The following GRM8 variants were observed in gnomAD, a reference collection of about 807,000 sequenced individuals.
GRM8 encodes the protein metabotropic glutamate receptor 8.
A neutral mutation model predicts 87.2 loss-of-function variants in GRM8; 47 were observed. That is an observed-to-expected ratio of 0.54 (90% CI 0.43 to 0.69). GRM8 has a LOEUF of 0.69. Ranked by LOEUF, GRM8 falls within the 30% of genes least tolerant of loss-of-function variation. The probability of loss-of-function intolerance (pLI) is 0.00; values close to 1 mark genes in which losing one functional copy is unlikely to be tolerated. For synonymous variants in GRM8, 396 were observed against 404.5 expected, an observed-to-expected ratio of 0.98 and a Z score of 0.25; for missense variants, 1,019 against 1,139.2, an observed-to-expected ratio of 0.89 and a Z score of 1.52.
At chr7:127,127,492 A>C (rs117321303) in intron 2 of GRM8, among the ~76,000 whole-genome samples, 2,002 of 152,204 alleles carry the variant, frequency 0.013, 12 homozygotes, top group Middle Eastern at 0.024. Context: ...AATATGAATG[A>C]ATCTCAAAAC....
At chr7:127,182,056 C>A (rs1272610797) in intron 2 of GRM8, among the ~76,000 whole-genome samples, 3 of 152,068 alleles carry the variant, frequency 2.0e-5, no homozygotes, top group Non-Finnish European at 4.4e-5. Context: ...AGTAAACAGA[C>A]AACCCACAAA....
chr7:126,753,375 C>T (rs953552631), intron 7 of GRM8, among the ~76,000 whole-genome samples: 12 of 138,008 alleles, frequency 8.7e-5, no homozygotes, highest in Admixed American at 3.7e-4. Context: ...AATATACGCA[C>T]GCACACACAG....
rs547399657 is a variant in GRM8 at position 126,805,542 on chromosome 7, T to C, written c.1157-35477A>G. Among the ~76,000 whole-genome samples, 38 of 152,286 alleles carry C rather than the reference T, an allele frequency of 2.5e-4. No homozygotes were observed. The South Asian group carries it at 7.9e-3, about 32-fold the overall frequency. ...GAGACATGGTCTGCACCACCCACTGTTTCTGTCCCTAGGTTTCAATCAGGT... is the reference window on the plus strand; with the variant it reads ...GAGACATGGTCTGCACCACCCACTGCTTCTGTCCCTAGGTTTCAATCAGGT... On this transcript the variant is annotated intron_variant, in intron 6 of 10. Coordinates refer to ENST00000339582, the MANE Select transcript of GRM8 (RefSeq NM_000845.3).
chr7:126,775,508 T>C (rs1819364744), intron 6 of GRM8, among the ~76,000 whole-genome samples: 1 of 137,208 alleles, frequency 7.3e-6, no homozygotes. Context: ...TTTTTTTTTT[T>C]ACTAAATTTA....
chr7:127,208,776 A>C (rs1480471831), intron 2 of GRM8, among the ~76,000 whole-genome samples: 1 of 151,948 alleles, frequency 6.6e-6, no homozygotes, highest in African/African-American at 2.4e-5. Context: ...ATCTAGCATT[A>C]CCAGTCTCTC....
chr7:127,227,335 G>A (rs1363156303), intron 2 of GRM8, among the ~76,000 whole-genome samples: 1 of 152,218 alleles, frequency 6.6e-6, no homozygotes, highest in Admixed American at 6.5e-5. Flanking sequence ...GTGAAAATGA[G>A]TAGTTTGTTC....
intron 3 of GRM8, among the ~76,000 whole-genome samples, chr7:127,062,092 C>T (rs1347244124): frequency 2.0e-5 from 3 of 150,086 alleles, no homozygotes; most frequent in South Asian, 2.1e-4. Context: ...TGCAGTGAGC[C>T]GATATCGTGC....
At chr7:127,106,090 C>T (rs1825780282) in intron 3 of GRM8, among the ~76,000 whole-genome samples, 2 of 152,226 alleles carry the variant, frequency 1.3e-5, no homozygotes, top group Admixed American at 6.5e-5. Context: ...GATTACTAGA[C>T]TTAGTCCCTC....
chr7:127,157,654 T>C (rs530605450), intron 2 of GRM8, among the ~76,000 whole-genome samples: 1 of 152,252 alleles, frequency 6.6e-6, no homozygotes, highest in South Asian at 2.1e-4. Context: ...GAAAAAAATA[T>C]ACATTGTTGC....
At chr7:126,661,748 T>G (rs28665677) in intron 7 of GRM8, among the ~76,000 whole-genome samples, 3,348 of 152,250 alleles carry the variant, frequency 0.022, 140 homozygotes, top group African/African-American at 0.077. Flanking sequence ...ATTGGAAATA[T>G]ACAAGCATCA....
intron 2 of GRM8, among the ~76,000 whole-genome samples, chr7:127,165,151 T>TAG (rs1793365995): frequency 2.7e-5 from 1 of 36,972 alleles, no homozygotes; most frequent in Non-Finnish European, 4.9e-5. Flanking sequence ...GATATATATA[T>TAG]ATATATATAT....
chr7:127,124,887 A>C (rs1587084506), intron 2 of GRM8, among the ~76,000 whole-genome samples: 1 of 152,202 alleles, frequency 6.6e-6, no homozygotes, highest in Non-Finnish European at 1.5e-5. Context: ...CGGTATAAAT[A>C]CAAAACCATA....
intron 7 of GRM8, among the ~76,000 whole-genome samples, chr7:126,769,572 A>G (rs375420978): frequency 6.6e-6 from 1 of 152,134 alleles, no homozygotes; most frequent in Non-Finnish European, 1.5e-5. Flanking sequence ...TCTAATGTCA[A>G]TGGTTTCAAA....
intron 7 of GRM8, among the ~76,000 whole-genome samples, chr7:126,643,743 T>C (rs1490871565): frequency 6.6e-6 from 1 of 152,132 alleles, no homozygotes; most frequent in Non-Finnish European, 1.5e-5. Flanking sequence ...TTATGGAAAA[T>C]TTAAAACTAG....
intron 3 of GRM8, among the ~76,000 whole-genome samples, chr7:126,939,410 G>A (rs926571281): frequency 6.6e-6 from 1 of 152,092 alleles, no homozygotes; most frequent in African/African-American, 2.4e-5. Flanking sequence ...ACATATCTTT[G>A]AGACTAGGTT....
intron 3 of GRM8, among the ~76,000 whole-genome samples, chr7:127,092,339 G>T (rs1824215043): frequency 6.6e-6 from 1 of 152,100 alleles, no homozygotes; most frequent in Non-Finnish European, 1.5e-5. Context: ...TCTAACTTGG[G>T]TGGGAAGAGG....
At position 126,872,215 on chromosome 7, in the gene GRM8, C is replaced by A. The variant is rs558950064; in HGVS notation, c.1156+30327G>T. On this transcript the variant is annotated intron_variant, in intron 6 of 10. Coordinates refer to ENST00000339582, the MANE Select transcript of GRM8 (RefSeq NM_000845.3). ...CTATGTCTTTATTTTTGAGGATGAG[C>A]AAACTCTTCAAAGGGCTGTTCTGCC... is the stretch of plus-strand genomic sequence containing the variant. 1.2e-4 allele frequency among the ~76,000 whole-genome samples: 19 copies of A among 152,262 alleles called. No homozygotes were observed. In the East Asian group the frequency reaches 3.1e-3, roughly 25 times the overall value.
intron 8 of GRM8, among the ~76,000 whole-genome samples, chr7:126,575,525 C>T (rs1475285447): frequency 3.3e-5 from 5 of 151,946 alleles, no homozygotes; most frequent in African/African-American, 1.2e-4. Context: ...TCTATGAAAC[C>T]AGTCCCTGGT....
intron 2 of GRM8, among the ~76,000 whole-genome samples, chr7:127,161,254 G>C (rs973802858): frequency 2.0e-5 from 3 of 152,104 alleles, no homozygotes; most frequent in African/African-American, 7.2e-5. Context: ...TGATCTTTGA[G>C]AGAAGAGCAA....
Sources: gnomAD v4.1 joint callset for allele counts (sites outside exome capture counted in the v4.1 genomes callset) on GRCh38, gnomAD v4.1.1 for gene constraint, MANE v1.5 for transcripts, NCBI Gene and HGNC (gene_info 2026-07-23, HGNC 2026-07-21) for gene names.